Variants in NBEAL1 observed in about 807,000 individuals in gnomAD.
The protein encoded by NBEAL1 is neurobeachin-like protein 1.
In NBEAL1, 273 loss-of-function variants were observed where a neutral mutation model predicts 351.3. The ratio of observed to expected loss-of-function variants is 0.78; its 90% confidence interval spans 0.70 to 0.86. NBEAL1 has a LOEUF of 0.86. Ranked by LOEUF, NBEAL1 falls within the 40% of genes least tolerant of loss-of-function variation. The pLI is 0.00. For missense variants in NBEAL1, 2,961 were observed against 3,201.3 expected, an observed-to-expected ratio of 0.92 and a Z score of 1.81; for synonymous variants, 1,050 against 1,086.4, an observed-to-expected ratio of 0.97 and a Z score of 0.66.
At position 203,222,978 on chromosome 2, in the gene NBEAL1, C is replaced by T. The variant is rs541434208; in HGVS notation, c.*5624C>T. 3.2e-4 allele frequency among the ~76,000 whole-genome samples: 49 copies of T among 152,186 alleles called. No individual in the cohort carries two copies. The South Asian group carries it at 3.3e-3, about 10-fold the overall frequency. ...TTTTCTGTGTTAAGAAATGTAAGGC[C>T]ATCCTAGAGTATAGGAGTTACGTGA... On this transcript the variant is annotated 3_prime_UTR_variant, in exon 56 of 56. Coordinates refer to ENST00000683969, the MANE Select transcript of NBEAL1 (RefSeq NM_001378026.1).
intron 6 of NBEAL1, among the ~76,000 whole-genome samples, chr2:203,066,058 T>G (rs2061580117): frequency 6.6e-6 from 1 of 152,238 alleles, no homozygotes; most frequent in Admixed American, 6.5e-5. Context: ...TTTGTTTATG[T>G]TAGCATATTA....
intron 45 of NBEAL1, among the ~76,000 whole-genome samples, chr2:203,189,850 A>G (rs370320312): frequency 4.0e-5 from 6 of 151,878 alleles, no homozygotes; most frequent in African/African-American, 1.4e-4. Context: ...AAACTATACC[A>G]ATGAGGTCAG....
chr2:203,195,385 A>T (rs754610377), intron 47 of NBEAL1, among the ~76,000 whole-genome samples: 2 of 152,164 alleles, frequency 1.3e-5, no homozygotes, highest in Non-Finnish European at 1.5e-5. Context: ...TGTTTACTGA[A>T]ATAGTTATTT....
chr2:203,091,396 G>A (rs992416087), intron 10 of NBEAL1, among the ~76,000 whole-genome samples: 1 of 151,994 alleles, frequency 6.6e-6, no homozygotes, highest in African/African-American at 2.4e-5. Context: ...GGACATTTGG[G>A]TTGCGTCCAC....
At chr2:203,162,049 A>T (rs1398871752) in intron 36 of NBEAL1, among the ~76,000 whole-genome samples, 1 of 104,304 alleles carries the variant, frequency 9.6e-6, no homozygotes, top group African/African-American at 3.9e-5. Context: ...TTTGAGATGG[A>T]GTCTTACTCT....
At chr2:203,120,877 C>T (rs962347957) in intron 18 of NBEAL1, among the ~76,000 whole-genome samples, 9 of 152,114 alleles carry the variant, frequency 5.9e-5, no homozygotes, top group Middle Eastern at 3.4e-3. Context: ...GTCTCGGAGA[C>T]GGATAACGTT....
chr2:203,137,189 A>G (rs1424331572), intron 29 of NBEAL1, among the ~76,000 whole-genome samples: 2 of 152,212 alleles, frequency 1.3e-5, no homozygotes, highest in African/African-American at 4.8e-5. Context: ...TCCAACCCAC[A>G]GGTTGCAGGC....
At chr2:203,179,817 C>T (rs911198341) in intron 42 of NBEAL1, among the ~76,000 whole-genome samples, 4 of 151,780 alleles carry the variant, frequency 2.6e-5, no homozygotes, top group Non-Finnish European at 2.9e-5. Context: ...CTTGCTCTGT[C>T]GGCCAGGCTG....
Position 203,029,300 on chromosome 2 carries a change from GCTT to G in NBEAL1, c.52-12461_52-12459del, listed in dbSNP as rs537067924. 7.2e-3 allele frequency among the ~76,000 whole-genome samples: 1,092 copies of G among 152,284 alleles called. 12 individuals are homozygous for G. Among genetic ancestry groups the G allele is most frequent in the Non-Finnish European group, 0.012 (802 of 68,016 alleles). On this transcript the variant is annotated intron_variant, in intron 2 of 55. Coordinates refer to ENST00000683969, the MANE Select transcript of NBEAL1 (RefSeq NM_001378026.1). The stretch of plus-strand genomic sequence containing the variant: ...CCCCCACACCCAGCCTGCATCAGAA[GCTT>G]CTTTACCTGACCACCATGTGTGAAA...
intron 45 of NBEAL1, among the ~76,000 whole-genome samples, chr2:203,189,214 C>T (rs531717354): frequency 4.9e-4 from 74 of 152,284 alleles, no homozygotes; most frequent in African/African-American, 1.7e-3. Context: ...TTAGGTGTGG[C>T]TGAGTATAAT....
At chr2:203,023,290 T>C (rs999117646) in intron 2 of NBEAL1, among the ~76,000 whole-genome samples, 5 of 152,168 alleles carry the variant, frequency 3.3e-5, no homozygotes, top group Admixed American at 3.3e-4. Flanking sequence ...TGTGGCTTAA[T>C]AACAGCTTTG....
At chr2:203,023,655 C>T (rs2060804743) in intron 2 of NBEAL1, among the ~76,000 whole-genome samples, 1 of 151,324 alleles carries the variant, frequency 6.6e-6, no homozygotes, top group Non-Finnish European at 1.5e-5. Context: ...CGTGGTCTTC[C>T]CATGCACAGT....
chr2:203,043,610 TC>T (rs1353950569), intron 3 of NBEAL1, among the ~76,000 whole-genome samples: 2 of 151,824 alleles, frequency 1.3e-5, no homozygotes, highest in African/African-American at 4.8e-5. Context: ...GCACCTGTAG[TC>T]CCAGTTACTT....
At chr2:203,079,964 CTGTT>C (rs1473763368) in intron 8 of NBEAL1, among the ~76,000 whole-genome samples, 16 of 152,268 alleles carry the variant, frequency 1.1e-4, no homozygotes, top group East Asian at 3.9e-4. Context: ...ATTTCTTAGT[CTGTT>C]TGGAGATTTG....
intron 15 of NBEAL1, 55 bp downstream of exon 15, chr2:203,110,337 C>T (rs572317020): frequency 6.7e-7 from 1 of 1,499,486 alleles, no homozygotes; most frequent in Non-Finnish European, 8.9e-7. Flanking sequence ...GTATTTCCCA[C>T]CATTGTCATA....
At chr2:203,020,041 T>C (rs954258566) in intron 2 of NBEAL1, among the ~76,000 whole-genome samples, 1 of 152,188 alleles carries the variant, frequency 6.6e-6, no homozygotes, top group African/African-American at 2.4e-5. Context: ...TAATTGATAA[T>C]AATTTTAATT....
chr2:203,035,385 T>G (rs777215783), intron 2 of NBEAL1, among the ~76,000 whole-genome samples: 1 of 149,390 alleles, frequency 6.7e-6, no homozygotes, highest in Non-Finnish European at 1.5e-5. Flanking sequence ...TGTAGGGAGC[T>G]ACCTGACAGT....
chr2:203,215,771 G>A (rs532176319), intron 55 of NBEAL1, among the ~76,000 whole-genome samples: 1 of 152,210 alleles, frequency 6.6e-6, no homozygotes, highest in African/African-American at 2.4e-5. Context: ...AGCCCTTTGG[G>A]AGGCTGAGGT....
chr2:203,149,162 ATT>A lies in NBEAL1; in HGVS notation c.5462+17_5462+18del. On this transcript the variant is annotated intron_variant, in intron 34 of 55. Transcript: ENST00000683969. ...TTGGGCTAAAAGGTAAGAGGATATA[ATT>A]TTATTAAGTACTCCTTTTTCTTTAG... The A allele has an allele frequency of 6.4e-7, 1 of 1,570,520 alleles. No homozygotes were observed. Among genetic ancestry groups the A allele is most frequent in the Non-Finnish European group, 8.6e-7 (1 of 1,158,652 alleles).
Sources: allele counts gnomAD v4.1 joint callset (sites outside exome capture counted in the v4.1 genomes callset), GRCh38; gene constraint gnomAD v4.1.1; transcripts MANE v1.5; gene names NCBI Gene and HGNC (gene_info 2026-07-23, HGNC 2026-07-21).